IGSF3: variants seen among roughly 807,000 people sequenced by gnomAD.
IGSF3 encodes the protein glu-Trp-Ile EWI motif-containing protein 3.
In IGSF3, 23 loss-of-function variants were observed where a neutral mutation model predicts 114.4. That is an observed-to-expected ratio of 0.20 (90% CI 0.14 to 0.28). The LOEUF is 0.28. Ranked by LOEUF, IGSF3 falls within the 10% of genes least tolerant of loss-of-function variation. IGSF3 has a pLI of 1.00. For synonymous variants in IGSF3, 571 were observed against 645.2 expected (o/e 0.88, Z 1.74); for missense variants, 1,172 against 1,591.5 (o/e 0.74, Z 4.48).
chr1:116,579,734 C>A lies in IGSF3; in HGVS notation c.2992G>T (p.Gly998Trp). The change falls in exon 10 of 11, where the codon GGG becomes TGG. Residue 998 changes from glycine to tryptophan, a missense_variant. Around this residue, in one of 3 missense-constraint regions of IGSF3, gnomAD observed 423 missense variants for 509.8 expected, o/e 0.83. Coordinates refer to ENST00000369486, the MANE Select transcript of IGSF3 (RefSeq NM_001007237.3). The surrounding 1 kb of genome is among the most constrained non-coding windows in gnomAD (Gnocchi z 6.4). ...VAWYSLRTKAGGKRSSPGLEE... is the reference protein window; with the variant it reads ...VAWYSLRTKAWGKRSSPGLEE... Reference sequence around the variant, plus strand: ...AGGCCAGGGCTGCTCCTTTTCCCCCCAGCTTTAGTCCTCAGGGAATACCAG... The same window carrying A: ...AGGCCAGGGCTGCTCCTTTTCCCCCAAGCTTTAGTCCTCAGGGAATACCAG... 1 of 1,614,078 alleles carries A rather than the reference C, an allele frequency of 6.2e-7. No homozygotes were observed.
Position 116,666,936 on chromosome 1 carries a change from T to C in IGSF3, c.-610A>G. 1 of 402,332 alleles carries C rather than the reference T, an allele frequency of 2.5e-6. No homozygotes were observed. Among genetic ancestry groups the C allele is most frequent in the Non-Finnish European group, 4.4e-6 (1 of 228,566 alleles). 24.9% of individuals were successfully genotyped at this position (402,332 alleles called of 1,614,324 possible). On this transcript the variant is annotated 5_prime_UTR_variant, in exon 2 of 11. Coordinates refer to ENST00000369486, the MANE Select transcript of IGSF3 (RefSeq NM_001007237.3). ...TTGGCGTTCGGCAGCCCTGAAGCGG[T>C]ACCCCAGCGCGAGCAGATTTCTAAA...
Position 116,579,743 on chromosome 1 carries a change from T to G in IGSF3, c.2983A>C (p.Thr995Pro). ...CTGCTCCTTTTCCCCCCAGCTTTAG[T>G]CCTCAGGGAATACCAGGCCACAGCG... is the stretch of plus-strand genomic sequence containing the variant. ...RFAVAWYSLR[T>P]KAGGKRSSPG... Residue 995 changes from threonine to proline, a missense_variant, in exon 10 of 11, where the codon ACT becomes CCT. Coordinates refer to ENST00000369486, the MANE Select transcript of IGSF3 (RefSeq NM_001007237.3). The surrounding 1 kb of genome is among the most constrained non-coding windows in gnomAD (Gnocchi z 6.4). 6.2e-7 allele frequency: 1 copy of G among 1,614,060 alleles called. No individual in the cohort carries two copies. Among genetic ancestry groups the G allele is most frequent in the Non-Finnish European group, 8.5e-7 (1 of 1,179,984 alleles).
In IGSF3 at chr1:116,583,191, A is replaced by G. The variant is rs1659671536; in HGVS notation, c.2848+1454T>C. On this transcript the variant is annotated intron_variant, in intron 9 of 10. Coordinates refer to ENST00000369486, the MANE Select transcript of IGSF3 (RefSeq NM_001007237.3). The surrounding 1 kb of genome is among the most constrained non-coding windows in gnomAD (Gnocchi z 4.5). ...TGTGGCTGGGATGTAGCTGTACTCA[A>G]TAAACATCTGTCTCCTCCCACTCCA... is the stretch of plus-strand genomic sequence containing the variant. Among the ~76,000 whole-genome samples the G allele has an allele frequency of 6.6e-6, 1 of 152,208 alleles. No individual in the cohort carries two copies. The highest frequency in any genetic ancestry group is 2.4e-5 in the African/African-American group (1 of 41,456).
At chr1:116,652,749 T>C (rs1318064480) in intron 2 of IGSF3, among the ~76,000 whole-genome samples, 1 of 152,206 alleles carries the variant, frequency 6.6e-6, no homozygotes, top group African/African-American at 2.4e-5. Flanking sequence ...AGGAAAAATG[T>C]CAGGGAACAC....
rs1004385451 is a variant in IGSF3, at chr1:116,579,014, C to T, written c.3334+378G>A. ...TGAGGTAGTCAGCCTTCATTTTTTT[C>T]CCTTTCCCTTGTGAGTCTGAAACGC... On this transcript the variant is annotated intron_variant, in intron 10 of 10. Transcript: ENST00000369486. The surrounding 1 kb of genome is among the most constrained non-coding windows in gnomAD (Gnocchi z 6.4). Among the ~76,000 whole-genome samples, 2 of 152,184 alleles carry T rather than the reference C, an allele frequency of 1.3e-5. No individual in the cohort carries two copies. Among genetic ancestry groups the T allele is most frequent in the Admixed American group, 6.5e-5 (1 of 15,282 alleles).
chr1:116,667,285 C>T (rs1649374849), intron 1 of IGSF3, among the ~76,000 whole-genome samples: 1 of 152,204 alleles, frequency 6.6e-6, no homozygotes, highest in African/African-American at 2.4e-5. Flanking sequence ...GCGGTGGGGC[C>T]GCGACTCCCG....
chr1:116,614,129 G>A lies in IGSF3; in HGVS notation c.468C>T (p.His156=). 1.2e-6 allele frequency: 2 copies of A among 1,613,698 alleles called. No homozygotes were observed. Among genetic ancestry groups the A allele is most frequent in the South Asian group, 1.1e-5 (1 of 91,070 alleles). ...LQTTAMPQTL[H]RVEQDPLELT... The stretch of plus-strand genomic sequence containing the variant: ...GCTCCAGCGGGTCCTGCTCCACTCT[G>A]TGCAGAGTCTGGGGCATGGCAGTGG... Residue 156 remains histidine (H), a synonymous_variant, in exon 4 of 11, where the codon CAC becomes CAT. Transcript: ENST00000369486. The surrounding 1 kb of genome is among the most constrained non-coding windows in gnomAD (Gnocchi z 4.5).
chr1:116,613,849 C>A lies in IGSF3; in HGVS notation c.748G>T (p.Glu250Ter), dbSNP rs376632014. 1 of 1,613,946 alleles carries A rather than the reference C, an allele frequency of 6.2e-7. No individual in the cohort carries two copies. ...GACCCATCCGGATCCTGGATCCACT[C>A]GGCGGCCTCGCAGTAGAATTCGCCC... is the stretch of plus-strand genomic sequence containing the variant. The part of the protein sequence containing the change: ...DQGEFYCEAA[E>*]WIQDPDGSWY... The change falls in exon 4 of 11, where the codon GAG (glutamate) becomes TAG (stop). Residue 250 changes from glutamate to a stop codon, truncating the protein, a stop_gained. Coordinates refer to ENST00000369486, the MANE Select transcript of IGSF3 (RefSeq NM_001007237.3). LOFTEE classifies it high-confidence loss of function.
intron 2 of IGSF3, among the ~76,000 whole-genome samples, chr1:116,619,168 CA>C (rs1477112600): frequency 3.3e-5 from 5 of 152,174 alleles, no homozygotes; most frequent in African/African-American, 1.2e-4. Flanking sequence ...GGTAGAGACC[CA>C]ATCACTGGTT....
In IGSF3 at chr1:116,593,011, A is replaced by G. The variant is rs1660185875; in HGVS notation, c.2030-3907T>C. 2.6e-5 allele frequency among the ~76,000 whole-genome samples: 4 copies of G among 152,184 alleles called. No individual in the cohort carries two copies. On this transcript the variant is annotated intron_variant, in intron 7 of 10. Transcript: ENST00000369486. The surrounding 1 kb of genome is among the most constrained non-coding windows in gnomAD (Gnocchi z 4.5). ...GGACAAGAGGAAAAAGATGACAACT[A>G]CCCTGTGCACTCTATTCAAGGAGGA...
intron 8 of IGSF3, among the ~76,000 whole-genome samples, chr1:116,586,850 A>C (rs959046284): frequency 6.6e-6 from 1 of 152,152 alleles, no homozygotes; most frequent in African/African-American, 2.4e-5. Context: ...GGTGGGCCTA[A>C]TGACAACCTT....
chr1:116,645,389 C>A (rs1371921257), intron 2 of IGSF3, among the ~76,000 whole-genome samples: 1 of 152,204 alleles, frequency 6.6e-6, no homozygotes, highest in Non-Finnish European at 1.5e-5. Context: ...CACAAGGGAA[C>A]TTTTTGGGGA....
chr1:116,640,104 G>T (rs892367405), intron 2 of IGSF3, among the ~76,000 whole-genome samples: 1 of 150,818 alleles, frequency 6.6e-6, no homozygotes, highest in Admixed American at 6.6e-5. Flanking sequence ...CATTTTCTCA[G>T]GATTAAATAA....
chr1:116,590,171 T>C (rs368842055), intron 7 of IGSF3, among the ~76,000 whole-genome samples: 1 of 151,990 alleles, frequency 6.6e-6, no homozygotes, highest in East Asian at 1.9e-4. Flanking sequence ...CTCACTGTCC[T>C]GCTCCAAAAA....
intron 7 of IGSF3, among the ~76,000 whole-genome samples, chr1:116,590,753 GTTGA>G (rs1006364209): frequency 2.6e-5 from 4 of 151,924 alleles, no homozygotes; most frequent in Non-Finnish European, 4.4e-5. Context: ...AGCATCAAGG[GTTGA>G]TTGAGTCCCA....
Position 116,661,360 on chromosome 1 carries a change from T to G in IGSF3, c.43+4924A>C, listed in dbSNP as rs1649108211. Among the ~76,000 whole-genome samples, 1 of 152,172 alleles carries G rather than the reference T, an allele frequency of 6.6e-6. No homozygotes were observed. The highest frequency in any genetic ancestry group is 1.5e-5 in the Non-Finnish European group (1 of 68,034). On this transcript the variant is annotated intron_variant, in intron 2 of 10. Transcript: ENST00000369486. This position sits in a 1 kb window ranked among gnomAD's most constrained non-coding sequence, Gnocchi z 4.0. ...ACAAGGCTGAGTTCTGGGACTACAGTAATGAACATGACAGATGGTCTTCAA... is the reference window on the plus strand; with the variant it reads ...ACAAGGCTGAGTTCTGGGACTACAGGAATGAACATGACAGATGGTCTTCAA...
Position 116,608,083 on chromosome 1 carries a change from G to C in IGSF3, c.1081C>G (p.Leu361Val). 6.2e-7 allele frequency: 1 copy of C among 1,613,942 alleles called. No homozygotes were observed. Among genetic ancestry groups the C allele is most frequent in the Admixed American group, 1.7e-5 (1 of 60,010 alleles). Residue 361 changes from leucine (L) to valine (V), a missense_variant, in exon 5 of 11, where the codon CTG becomes GTG. By Grantham distance (32) the Leu-to-Val change is conservative. This residue lies in a region of IGSF3 where 736 missense variants were observed against 1,042.0 expected (regional missense o/e 0.71). Coordinates refer to ENST00000369486, the MANE Select transcript of IGSF3 (RefSeq NM_001007237.3). ...VAKESDSVFV[L>V]KIYHLRQEDS... is the part of the protein sequence containing the mutation. ...TCCTGGCGGAGGTGGTAGATCTTCA[G>C]CACAAAGACACTGTCGCTCTCTTTG...
chr1:116,635,025 A>G (rs1193359916), intron 2 of IGSF3, among the ~76,000 whole-genome samples: 1 of 152,238 alleles, frequency 6.6e-6, no homozygotes, highest in African/African-American at 2.4e-5. Flanking sequence ...AGACTGAGCC[A>G]GAACCACGAG....
chr1:116,646,439 T>C (rs1648373911), intron 2 of IGSF3, among the ~76,000 whole-genome samples: 1 of 152,208 alleles, frequency 6.6e-6, no homozygotes, highest in South Asian at 2.1e-4. Context: ...TGTCTAATTT[T>C]ACTCCAAAAG....
Sources: allele counts gnomAD v4.1 joint callset (sites outside exome capture counted in the v4.1 genomes callset), GRCh38; gene constraint gnomAD v4.1.1; regional missense constraint gnomAD v4.1.1; non-coding constraint Gnocchi (gnomAD v3.1); transcripts MANE v1.5; gene names NCBI Gene and HGNC (gene_info 2026-07-23, HGNC 2026-07-21).